ADK: variants seen among roughly 807,000 people sequenced by gnomAD.
ADK encodes the protein adenosine kinase, also known as N6,N6-dimethyladenosine kinase.
ADK carries 24 observed loss-of-function variants against 44.7 expected under a neutral mutation model. The ratio of observed to expected loss-of-function variants is 0.54; its 90% CI spans 0.39 to 0.76. ADK has a LOEUF of 0.76. Among genes scored for constraint, ADK ranks in the 30% least tolerant of loss-of-function variants. The pLI, the probability that ADK is intolerant of heterozygous loss-of-function variation, is 0.00. For synonymous variants in ADK, 128 were observed against 142.6 expected, an observed-to-expected ratio of 0.90 and a Z score of 0.73; for missense variants, 321 against 425.1, an observed-to-expected ratio of 0.76 and a Z score of 2.15.
At chr10:74,232,417 G>T (rs546235785) in intron 3 of ADK, among the ~76,000 whole-genome samples, 6 of 151,930 alleles carry the variant, frequency 3.9e-5, no homozygotes, top group Admixed American at 2.6e-4. Context: ...AGCTACTCAG[G>T]AGGCTGAGGT....
chr10:74,427,727 A>ATG (rs35949478), intron 6 of ADK, among the ~76,000 whole-genome samples: 29,841 of 148,350 alleles, frequency 0.2, 3,508 homozygotes, highest in East Asian at 0.53. Flanking sequence ...ATGTATATGT[A>ATG]TGTGTGTGTG....
At chr10:74,681,713 G>A (rs1040652016) in intron 10 of ADK, among the ~76,000 whole-genome samples, 3 of 152,126 alleles carry the variant, frequency 2.0e-5, no homozygotes, top group African/African-American at 7.2e-5. Context: ...AGCCAAGCCT[G>A]ATGGCGGGCA....
At chr10:74,476,294 G>A (rs1172083720) in intron 6 of ADK, among the ~76,000 whole-genome samples, 1 of 152,098 alleles carries the variant, frequency 6.6e-6, no homozygotes, top group African/African-American at 2.4e-5. Flanking sequence ...GGGAGTTCGA[G>A]AGCAGCCTTA....
At chr10:74,239,301 A>C (rs1408938477) in intron 3 of ADK, among the ~76,000 whole-genome samples, 1 of 152,154 alleles carries the variant, frequency 6.6e-6, no homozygotes, top group African/African-American at 2.4e-5. Context: ...TGTTTTACTC[A>C]GTCACTCAGC....
At chr10:74,386,944 T>TA (rs1843163089) in intron 4 of ADK, among the ~76,000 whole-genome samples, 1 of 151,704 alleles carries the variant, frequency 6.6e-6, no homozygotes, top group Non-Finnish European at 1.5e-5. Context: ...TATTTCAGTT[T>TA]TTTTTTTTTT....
At chr10:74,169,794 T>G (rs889160676) in intron 1 of ADK, among the ~76,000 whole-genome samples, 6 of 152,232 alleles carry the variant, frequency 3.9e-5, no homozygotes, top group African/African-American at 1.4e-4. Flanking sequence ...CATTAAAATT[T>G]ATCAACTCCT....
At chr10:74,510,790 C>G (rs1299293579) in intron 6 of ADK, among the ~76,000 whole-genome samples, 1 of 152,186 alleles carries the variant, frequency 6.6e-6, no homozygotes, top group African/African-American at 2.4e-5. Context: ...TCACTGCAGC[C>G]TTGACCTCCT....
chr10:74,373,585 A>G (rs551290426), intron 4 of ADK, among the ~76,000 whole-genome samples: 5 of 152,334 alleles, frequency 3.3e-5, no homozygotes, highest in African/African-American at 1.2e-4. Flanking sequence ...ATAATTAGCT[A>G]TCAGGTATAT....
intron 4 of ADK, among the ~76,000 whole-genome samples, chr10:74,357,853 T>C (rs969572279): frequency 8.5e-5 from 13 of 152,226 alleles, no homozygotes. Context: ...AAAAAAGTTA[T>C]AGATTGAGGC....
At chr10:74,166,232 G>A (rs1427196484) in intron 1 of ADK, among the ~76,000 whole-genome samples, 2 of 152,218 alleles carry the variant, frequency 1.3e-5, no homozygotes, top group Non-Finnish European at 2.9e-5. Flanking sequence ...GAGCCACCAT[G>A]CCCGGCCAGT....
chr10:74,201,650 ATGTATG>A lies in ADK; in HGVS notation c.140+814_140+819del, dbSNP rs1383682538. ...TGTGTTTGTGTGTGTGTGTATATGT[ATGTATG>A]TATGTATGTATGTATGTATGTATCT... On this transcript the variant is annotated intron_variant, in intron 2 of 10. Coordinates refer to ENST00000539909, the MANE Select transcript of ADK (RefSeq NM_006721.4). Among the ~76,000 whole-genome samples the A allele has an allele frequency of 9.5e-3, 1,223 of 128,688 alleles. 16 individuals carry two copies. The highest frequency in any genetic ancestry group is 0.014 in the Non-Finnish European group (877 of 63,992). The allele number at this position is 128,688 out of a possible 152,430, so 84.4% of individuals were successfully genotyped here.
intron 3 of ADK, among the ~76,000 whole-genome samples, chr10:74,230,217 A>G (rs1315635175): frequency 6.6e-6 from 1 of 152,040 alleles, no homozygotes; most frequent in African/African-American, 2.4e-5. Flanking sequence ...TTTTAAAAAT[A>G]TCATAAACAT....
At chr10:74,631,975 A>G (rs894708743) in intron 9 of ADK, among the ~76,000 whole-genome samples, 16 of 152,072 alleles carry the variant, frequency 1.1e-4, no homozygotes, top group African/African-American at 3.6e-4. Context: ...TCACTCAGAT[A>G]TAATTCACAC....
chr10:74,229,825 C>G (rs12770150), intron 3 of ADK, among the ~76,000 whole-genome samples: 80,156 of 151,880 alleles, frequency 0.53, 22,251 homozygotes, highest in Non-Finnish European at 0.62. Context: ...TTGCTTGAGT[C>G]TACGAGTTGG....
intron 6 of ADK, among the ~76,000 whole-genome samples, chr10:74,428,263 G>T (rs867996361): frequency 2.6e-5 from 4 of 152,150 alleles, no homozygotes; most frequent in South Asian, 4.1e-4. Context: ...GCACAGTTCA[G>T]TCCCTAATGC....
intron 2 of ADK, among the ~76,000 whole-genome samples, chr10:74,213,568 C>G (rs1186004559): frequency 6.6e-6 from 1 of 151,780 alleles, no homozygotes; most frequent in African/African-American, 2.4e-5. Flanking sequence ...GGGCTGGAAG[C>G]TAGAACATTT....
At chr10:74,236,151 G>T (rs1844952270) in intron 3 of ADK, among the ~76,000 whole-genome samples, 1 of 152,198 alleles carries the variant, frequency 6.6e-6, no homozygotes, top group South Asian at 2.1e-4. Flanking sequence ...GCTCTTCAAA[G>T]ATGTTTTCTC....
chr10:74,276,976 G>C (rs1846706687), intron 3 of ADK, among the ~76,000 whole-genome samples: 1 of 151,790 alleles, frequency 6.6e-6, no homozygotes, highest in South Asian at 2.1e-4. Flanking sequence ...GCAGTACAGT[G>C]GAACGATCTC....
At chr10:74,520,945 G>C (rs1423176359) in intron 6 of ADK, among the ~76,000 whole-genome samples, 2 of 152,130 alleles carry the variant, frequency 1.3e-5, no homozygotes, top group Non-Finnish European at 2.9e-5. Context: ...ACAGCTAACT[G>C]TTGTGCAGAC....
Sources: gnomAD v4.1 joint callset for allele counts (sites outside exome capture counted in the v4.1 genomes callset) on GRCh38, gnomAD v4.1.1 for gene constraint, MANE v1.5 for transcripts, NCBI Gene and HGNC (gene_info 2026-07-23, HGNC 2026-07-21) for gene names.